The following PLBD2 variants were observed in gnomAD, a reference collection of about 807,000 sequenced individuals.
PLBD2 encodes phospholipase B domain containing 2.
A neutral mutation model predicts 68.3 loss-of-function variants in PLBD2; 51 were observed. The ratio of observed to expected loss-of-function variants is 0.75; its 90% CI spans 0.60 to 0.94. PLBD2 has a LOEUF of 0.94. Among genes scored for constraint, PLBD2 ranks in the 40% least tolerant of loss-of-function variants. The pLI is 0.00. For synonymous variants in PLBD2, 314 were observed against 339.3 expected (o/e 0.93, Z 0.82); for missense variants, 729 against 792.2 (o/e 0.92, Z 0.96).
At chr12:113,385,851 A>G (rs1266105207) in intron 9 of PLBD2, among the ~76,000 whole-genome samples, 1 of 151,956 alleles carries the variant, frequency 6.6e-6, no homozygotes, top group Non-Finnish European at 1.5e-5. Flanking sequence ...CCTGAGCTCA[A>G]GTGATTCTCC....
intron 5 of PLBD2, among the ~76,000 whole-genome samples, chr12:113,377,494 C>T (rs371444449): frequency 6.6e-6 from 1 of 152,156 alleles, no homozygotes; most frequent in Non-Finnish European, 1.5e-5. Flanking sequence ...AGTGCAATCT[C>T]GGCTCACTGC....
At chr12:113,380,874 T>G (rs756859266) in intron 6 of PLBD2, 32 bp downstream of exon 6, 17 of 1,536,140 alleles carry the variant, frequency 1.1e-5, no homozygotes, top group African/African-American at 1.4e-5. Flanking sequence ...CCTCTGTTCC[T>G]GGGGTGTTTG....
chr12:113,363,136 C>G (rs145112512), intron 1 of PLBD2, among the ~76,000 whole-genome samples: 76 of 152,098 alleles, frequency 5.0e-4, no homozygotes, highest in African/African-American at 1.7e-3. Context: ...TATAGACACA[C>G]TCTAAAGTGT....
Position 113,358,762 on chromosome 12 carries a change from G to T in PLBD2, c.162G>T (p.Gln54His), listed in dbSNP as rs1313215763. Reference sequence around the variant, plus strand: ...GGGGCCGCTGGGCGCGCGATGGGCAGGTCCCTCCAGCCTCCCGCAGCCGCT... The same window carrying T: ...GGGGCCGCTGGGCGCGCGATGGGCATGTCCCTCCAGCCTCCCGCAGCCGCT... The part of the protein sequence containing the change: ...APGGRWARDG[Q>H]VPPASRSRSV... The change falls in exon 1 of 12, where the codon CAG becomes CAT. Residue 54 changes from glutamine to histidine, a missense_variant. Gln to His is a conservative substitution (Grantham distance 24, BLOSUM62 0). Transcript: ENST00000280800. 1.4e-6 allele frequency: 2 copies of T among 1,419,102 alleles called. No homozygotes were observed. The highest frequency in any genetic ancestry group is 3.0e-5 in the East Asian group (1 of 32,852). The allele number at this position is 1,419,102 out of a possible 1,614,324, so 87.9% of individuals were successfully genotyped here.
intron 5 of PLBD2, chr12:113,376,722 CAGG>C (rs1350092340): frequency 6.6e-6 from 1 of 152,256 alleles, no homozygotes; most frequent in Non-Finnish European, 1.5e-5. Context: ...GAATTCGAAG[CAGG>C]AGGATTGCTT....
intron 1 of PLBD2, among the ~76,000 whole-genome samples, chr12:113,366,372 T>C (rs1957342106): frequency 6.6e-6 from 1 of 152,204 alleles, no homozygotes; most frequent in African/African-American, 2.4e-5. Flanking sequence ...GGAGCAAAAA[T>C]GATATCTAGC....
rs760657151 is a variant in PLBD2 at position 113,369,162 on chromosome 12, T to C, written c.337T>C (p.Leu113=). 1 of 1,607,900 alleles carries C rather than the reference T, an allele frequency of 6.2e-7. No homozygotes were observed. Among genetic ancestry groups the C allele is most frequent in the South Asian group, 1.1e-5 (1 of 89,428 alleles). Residue 113 remains leucine (L), a synonymous_variant, in exon 2 of 12, where the codon TTG becomes CTG. Coordinates refer to ENST00000280800, the MANE Select transcript of PLBD2 (RefSeq NM_173542.4). ...CACAAGTGGCCAATACAATGACAGCTTGCAGGCCTATGCAGCCGGTGTGGT... is the reference window on the plus strand; with the variant it reads ...CACAAGTGGCCAATACAATGACAGCCTGCAGGCCTATGCAGCCGGTGTGGT... ...LGTSGQYNDS[L]QAYAAGVVEA...
intron 1 of PLBD2, among the ~76,000 whole-genome samples, chr12:113,367,711 G>T (rs1436634915): frequency 6.8e-6 from 1 of 147,454 alleles, no homozygotes; most frequent in African/African-American, 2.5e-5. Context: ...AGATCATGCC[G>T]CTGCACTTCA....
At position 113,384,773 on chromosome 12, in the gene PLBD2, A is replaced by AGTGGGACACTGCAGG; in HGVS notation, c.1119-72_1119-58dup. On this transcript the variant is annotated intron_variant, in intron 7 of 11. Transcript: ENST00000280800. The surrounding 1 kb of genome is among the most constrained non-coding windows in gnomAD (Gnocchi z 4.2). ...GCCCACTTCCTGTAATTCCTAGCTGAGTGGGACACTGCAGGGTGGGGAAAG... is the reference window on the plus strand; with the variant it reads ...GCCCACTTCCTGTAATTCCTAGCTGAGTGGGACACTGCAGGGTGGGACACTGCAGGGTGGGGAAAG... 1.7e-6 allele frequency: 2 copies of AGTGGGACACTGCAGG among 1,194,830 alleles called. No individual in the cohort carries two copies. Among genetic ancestry groups the AGTGGGACACTGCAGG allele is most frequent in the Non-Finnish European group, 2.5e-6 (2 of 812,762 alleles). The allele number at this position is 1,194,830 out of a possible 1,614,324, so 74.0% of individuals were successfully genotyped here. A position where few individuals can be genotyped will look rare whatever the true frequency, so the allele number is the denominator to read the frequency against.
chr12:113,387,983 G>A, intron 11 of PLBD2, 77 bp downstream of exon 11: 1 of 1,532,260 alleles, frequency 6.5e-7, no homozygotes, highest in Admixed American at 1.7e-5. Context: ...GGACAGGTTG[G>A]GGCAAAGCTG....
Position 113,374,897 on chromosome 12 carries a change from T to A in PLBD2, c.749T>A (p.Leu250Gln), listed in dbSNP as rs765316447. The change falls in exon 5 of 12, where the codon CTG (leucine) becomes CAG (glutamine). Residue 250 changes from leucine to glutamine, a missense_variant. By Grantham distance (113) the Leu-to-Gln change is moderately radical. Transcript: ENST00000280800. ...GGCTCCTGTTCTGCCCTCATCAAGCTGCTCCCTGGCCAGAGTGACCTCCTG... is the reference window on the plus strand; with the variant it reads ...GGCTCCTGTTCTGCCCTCATCAAGCAGCTCCCTGGCCAGAGTGACCTCCTG... ...GSGSCSALIKLLPGQSDLLVA... is the reference protein window; with the variant it reads ...GSGSCSALIKQLPGQSDLLVA... The A allele has an allele frequency of 6.2e-6, 10 of 1,613,990 alleles. No individual in the cohort carries two copies. The East Asian group carries it at 2.2e-4, about 36-fold the overall frequency.
At chr12:113,386,644 G>A (rs980211873) in intron 9 of PLBD2, among the ~76,000 whole-genome samples, 1 of 151,496 alleles carries the variant, frequency 6.6e-6, no homozygotes. Flanking sequence ...TCAGCCTCCC[G>A]AGTAGCTGGG....
chr12:113,384,417 G>A lies in PLBD2; in HGVS notation c.1118+152G>A. The A allele has an allele frequency of 9.1e-7, 1 of 1,102,566 alleles. No homozygotes were observed. The highest frequency in any genetic ancestry group is 1.3e-6 in the Non-Finnish European group (1 of 797,942). 68.3% of individuals were successfully genotyped at this position (1,102,566 alleles called of 1,614,324 possible). On this transcript the variant is annotated intron_variant, in intron 7 of 11. Coordinates refer to ENST00000280800, the MANE Select transcript of PLBD2 (RefSeq NM_173542.4). This position sits in a 1 kb window ranked among gnomAD's most constrained non-coding sequence, Gnocchi z 4.2. ...CATACATGGGGAGACTGAGGCTAGGGAAGGAAAGGATTTGCCCCTCCCCTG... is the reference window on the plus strand; with the variant it reads ...CATACATGGGGAGACTGAGGCTAGGAAAGGAAAGGATTTGCCCCTCCCCTG...
At chr12:113,364,273 G>C (rs1162142619) in intron 1 of PLBD2, among the ~76,000 whole-genome samples, 1 of 152,200 alleles carries the variant, frequency 6.6e-6, no homozygotes, top group African/African-American at 2.4e-5. Context: ...GTGTGCCCTG[G>C]AGGAGGCCAC....
At chr12:113,363,727 C>T (rs964389769) in intron 1 of PLBD2, among the ~76,000 whole-genome samples, 20 of 151,762 alleles carry the variant, frequency 1.3e-4, no homozygotes, top group African/African-American at 3.9e-4. Context: ...TTAGTAGAGA[C>T]GGGGTTTCAC....
rs1957366393 is a variant in PLBD2, at chr12:113,369,144, G to A, written c.319G>A (p.Gly107Ser). 2.5e-6 allele frequency: 4 copies of A among 1,605,124 alleles called. No homozygotes were observed. Among genetic ancestry groups the A allele is most frequent in the Non-Finnish European group, 1.7e-6 (2 of 1,176,018 alleles). ...GGCCTTCCTGGAGCTGGGCACAAGT[G>A]GCCAATACAATGACAGCTTGCAGGC... ...GWAFLELGTS[G>S]QYNDSLQAYA... Residue 107 changes from glycine to serine, a missense_variant, in exon 2 of 12, where the codon GGC becomes AGC. Gly to Ser is a moderately conservative substitution (Grantham distance 56). Transcript: ENST00000280800.
At chr12:113,361,167 C>T (rs1051711808) in intron 1 of PLBD2, among the ~76,000 whole-genome samples, 71 of 151,916 alleles carry the variant, frequency 4.7e-4, no homozygotes, top group African/African-American at 2.4e-4. Flanking sequence ...TGTCTTATTT[C>T]GGAGGGTGGG....
chr12:113,382,868 T>TG (rs1491184280), intron 6 of PLBD2, among the ~76,000 whole-genome samples: 519 of 83,064 alleles, frequency 6.2e-3, no homozygotes, highest in East Asian at 0.023. Flanking sequence ...TGTGTGTGTG[T>TG]TTTTTTTTTT....
At chr12:113,374,678 G>A in intron 4 of PLBD2, 104 bp downstream of exon 4, 1 of 1,463,888 alleles carries the variant, frequency 6.8e-7, no homozygotes, top group Non-Finnish European at 9.4e-7. Flanking sequence ...CTGGCTCTGT[G>A]GCCTTGGAAC....
Sources: allele counts gnomAD v4.1 joint callset (sites outside exome capture counted in the v4.1 genomes callset), GRCh38; gene constraint gnomAD v4.1.1; non-coding constraint Gnocchi (gnomAD v3.1); transcripts MANE v1.5; gene names NCBI Gene and HGNC (gene_info 2026-07-23, HGNC 2026-07-21).